CRISPLD2: variants seen among roughly 807,000 people sequenced by gnomAD.
The protein encoded by CRISPLD2 is cysteine rich secretory protein LCCL domain containing 2, also known as cysteine-rich secretory protein LCCL domain-containing 2.
A neutral mutation model predicts 71.1 loss-of-function variants in CRISPLD2; 47 were observed. The ratio of observed to expected loss-of-function variants is 0.66; its 90% CI spans 0.52 to 0.84. The LOEUF (loss-of-function observed/expected upper bound fraction) is 0.84. CRISPLD2 is among the 40% of genes least tolerant of loss of function. CRISPLD2 has a pLI of 0.00. For missense variants in CRISPLD2, 830 were observed against 651.1 expected, an observed-to-expected ratio of 1.27 and a Z score of -2.99; for synonymous variants, 317 against 250.1, an observed-to-expected ratio of 1.27 and a Z score of -2.52.
chr16:84,901,867 C>T (rs999325690), intron 14 of CRISPLD2, among the ~76,000 whole-genome samples: 9 of 134,228 alleles, frequency 6.7e-5, no homozygotes, highest in East Asian at 2.2e-4. Flanking sequence ...GATCTCGGCT[C>T]GTTGTAACCT....
At chr16:84,846,491 T>C (rs181822771) in intron 3 of CRISPLD2, among the ~76,000 whole-genome samples, 5 of 152,152 alleles carry the variant, frequency 3.3e-5, no homozygotes, top group African/African-American at 7.2e-5. Flanking sequence ...TGGCCTCAAG[T>C]GATCCACCCA....
intron 6 of CRISPLD2, among the ~76,000 whole-genome samples, chr16:84,860,044 A>G (rs1184827898): frequency 2.0e-5 from 3 of 151,010 alleles, no homozygotes; most frequent in Non-Finnish European, 4.4e-5. Context: ...AGTAGGTCCA[A>G]AATGACTAAT....
intron 3 of CRISPLD2, 31 bp downstream of exon 3, chr16:84,845,935 G>A (rs1217601738): frequency 1.5e-5 from 22 of 1,446,368 alleles, no homozygotes; most frequent in South Asian, 4.6e-5. Context: ...TCCGGCTGCC[G>A]CAGGACCCCA....
chr16:84,896,805 T>C (rs1008786182), intron 14 of CRISPLD2, among the ~76,000 whole-genome samples: 1 of 152,218 alleles, frequency 6.6e-6, no homozygotes, highest in African/African-American at 2.4e-5. Context: ...ATAAATGATA[T>C]TTCTTAATAA....
At chr16:84,864,636 C>T (rs1162697332) in intron 6 of CRISPLD2, among the ~76,000 whole-genome samples, 5 of 152,238 alleles carry the variant, frequency 3.3e-5, no homozygotes, top group African/African-American at 1.2e-4. Context: ...TGTTGCTGGA[C>T]ATATGCTCTT....
chr16:84,906,288 G>A (rs553548871), intron 14 of CRISPLD2, among the ~76,000 whole-genome samples: 6 of 152,130 alleles, frequency 3.9e-5, no homozygotes, highest in South Asian at 4.2e-4. Flanking sequence ...CAGAATTCTC[G>A]GAGGGTGAGT....
At chr16:84,889,927 C>T (rs1011788783) in intron 14 of CRISPLD2, among the ~76,000 whole-genome samples, 3 of 152,178 alleles carry the variant, frequency 2.0e-5, no homozygotes, top group African/African-American at 7.2e-5. Context: ...CTGTTTCTTA[C>T]CAGCTTTGTG....
chr16:84,836,739 C>T (rs117188893), intron 1 of CRISPLD2, among the ~76,000 whole-genome samples: 6 of 152,148 alleles, frequency 3.9e-5, no homozygotes, highest in Non-Finnish European at 5.9e-5. Flanking sequence ...CGGCCCCACC[C>T]GAGGATGCCC....
At chr16:84,824,915 C>A (rs1916312560) in intron 1 of CRISPLD2, among the ~76,000 whole-genome samples, 1 of 151,354 alleles carries the variant, frequency 6.6e-6, no homozygotes, top group African/African-American at 2.4e-5. Flanking sequence ...ACCAGCCTGA[C>A]CAACAAGGTG....
intron 14 of CRISPLD2, among the ~76,000 whole-genome samples, chr16:84,900,774 G>T (rs147899069): frequency 6.6e-6 from 1 of 152,066 alleles, no homozygotes; most frequent in Admixed American, 6.6e-5. Flanking sequence ...TAGAAAACAC[G>T]GGCTCAATGG....
At chr16:84,860,365 A>T (rs1053925232) in intron 6 of CRISPLD2, among the ~76,000 whole-genome samples, 3 of 152,132 alleles carry the variant, frequency 2.0e-5, no homozygotes, top group Non-Finnish European at 4.4e-5. Flanking sequence ...CTGCTTATAT[A>T]CATTTGAAAA....
Position 84,909,032 on chromosome 16 carries a change from T to A in CRISPLD2, c.*2390T>A, listed in dbSNP as rs16974880. On this transcript the variant is annotated 3_prime_UTR_variant, in exon 15 of 15. Transcript: ENST00000262424. ...ATCATCCCCACAAACATTTTGAAAC[T>A]GGAATATTTGTCTTCAGAAAATGGA... 18 of 152,032 alleles carry A rather than the reference T, an allele frequency of 1.2e-4. No homozygotes were observed. Among genetic ancestry groups the A allele is most frequent in the Admixed American group, 1.0e-3 (16 of 15,244 alleles). The allele number at this position is 152,032 out of a possible 1,614,324, so 9.4% of individuals were successfully genotyped here.
At chr16:84,821,577 G>A (rs1916231853) in intron 1 of CRISPLD2, among the ~76,000 whole-genome samples, 1 of 152,148 alleles carries the variant, frequency 6.6e-6, no homozygotes, top group Non-Finnish European at 1.5e-5. Context: ...CTGCACTCTT[G>A]ACCCTGCTTT....
chr16:84,896,499 G>T (rs1337728099), intron 14 of CRISPLD2, among the ~76,000 whole-genome samples: 1 of 152,140 alleles, frequency 6.6e-6, no homozygotes, highest in East Asian at 1.9e-4. Context: ...TATGTATTCA[G>T]CAAAAACCAT....
intron 1 of CRISPLD2, among the ~76,000 whole-genome samples, chr16:84,820,883 G>A (rs964183044): frequency 2.0e-5 from 3 of 152,044 alleles, no homozygotes; most frequent in African/African-American, 7.2e-5. Context: ...GGAGTGTGGG[G>A]GAGATCGGTC....
At chr16:84,861,561 T>A (rs1350285080) in intron 6 of CRISPLD2, among the ~76,000 whole-genome samples, 1 of 152,110 alleles carries the variant, frequency 6.6e-6, no homozygotes, top group Non-Finnish European at 1.5e-5. Flanking sequence ...TCCTAGCTGC[T>A]ATGGCAGCTG....
rs151285321 is a variant in CRISPLD2 at position 84,885,218 on chromosome 16, G to A, written c.1306-4012G>A. 6.4e-4 allele frequency among the ~76,000 whole-genome samples: 97 copies of A among 152,248 alleles called. 1 individual carries two copies. Among genetic ancestry groups the A allele is most frequent in the African/African-American group, 2.3e-3 (96 of 41,528 alleles). ...CCAAGCACCAAGGCTTCCGCCTGCCGGAAAGAACAATGAGCTTAATTGTGT... is the reference window on the plus strand; with the variant it reads ...CCAAGCACCAAGGCTTCCGCCTGCCAGAAAGAACAATGAGCTTAATTGTGT... On this transcript the variant is annotated intron_variant, in intron 13 of 14. Transcript: ENST00000262424.
chr16:84,858,083 G>A (rs1025573243), intron 6 of CRISPLD2, among the ~76,000 whole-genome samples: 2 of 152,166 alleles, frequency 1.3e-5, no homozygotes, highest in African/African-American at 4.8e-5. Flanking sequence ...GCAGAAGATG[G>A]CAGGGCCTTA....
At chr16:84,829,088 A>G (rs1051512069) in intron 1 of CRISPLD2, 2 of 152,316 alleles carry the variant, frequency 1.3e-5, no homozygotes, top group Non-Finnish European at 1.5e-5. Context: ...AGGAAAAAAA[A>G]AAAGAATATT....
Sources: gnomAD v4.1 joint callset for allele counts (sites outside exome capture counted in the v4.1 genomes callset) on GRCh38, gnomAD v4.1.1 for gene constraint, MANE v1.5 for transcripts, NCBI Gene and HGNC (gene_info 2026-07-23, HGNC 2026-07-21) for gene names.